The following ALDH16A1 variants were observed in gnomAD, a reference collection of about 807,000 sequenced individuals.
ALDH16A1 encodes aldehyde dehydrogenase family 16 member A1.
Under a neutral mutation model 96.1 loss-of-function variants are expected in ALDH16A1, and 88 were observed. The observed-to-expected ratio is 0.92, with a 90% CI of 0.77 to 1.09. The LOEUF (loss-of-function observed/expected upper bound fraction) is 1.09. Ranked by LOEUF, ALDH16A1 falls within the 50% of genes least tolerant of loss-of-function variation. The pLI, the probability that ALDH16A1 is intolerant of heterozygous loss-of-function variation, is 0.00. For missense variants in ALDH16A1, 1,250 were observed against 1,112.6 expected (o/e 1.12, Z -1.76); for synonymous variants, 522 against 496.4 (o/e 1.05, Z -0.69).
chr19:49,462,773 G>T lies in ALDH16A1; in HGVS notation c.1098+18G>T. On this transcript the variant is annotated intron_variant, in intron 8 of 16. Transcript: ENST00000293350. Reference sequence around the variant, plus strand: ...GTGCACAGGTGAGGCAGGGGGTAGAGACTTGAGGGTGTCAGGGGAGGAGGG... The same window carrying T: ...GTGCACAGGTGAGGCAGGGGGTAGATACTTGAGGGTGTCAGGGGAGGAGGG... 1 of 1,541,716 alleles carries T rather than the reference G, an allele frequency of 6.5e-7. No individual in the cohort carries two copies. Among genetic ancestry groups the T allele is most frequent in the Non-Finnish European group, 8.7e-7 (1 of 1,146,502 alleles).
chr19:49,464,204 C>T lies in ALDH16A1; in HGVS notation c.1272C>T (p.Arg424=), dbSNP rs1000334154. 6.8e-6 allele frequency: 11 copies of T among 1,605,910 alleles called. No homozygotes were observed. The highest frequency in any genetic ancestry group is 5.0e-5 in the Admixed American group (3 of 59,858). Reference sequence around the variant, plus strand: ...TGTTGGTGGCCAACGGGACGCCCCGCGGGGGCAGCGCCAGTGTGTGGAGCG... The same window carrying T: ...TGTTGGTGGCCAACGGGACGCCCCGTGGGGGCAGCGCCAGTGTGTGGAGCG... The part of the protein sequence containing the change: ...EALLVANGTP[R]GGSASVWSER... The change falls in exon 10 of 17, where the codon CGC becomes CGT. Residue 424 remains arginine, a synonymous_variant. Transcript: ENST00000293350.
At position 49,458,571 on chromosome 19, in the gene ALDH16A1, G is replaced by T; in HGVS notation, c.176G>T (p.Cys59Phe). Residue 59 changes from cysteine (C) to phenylalanine (F), a missense_variant, in exon 2 of 17, where the codon TGC becomes TTC. Physicochemically the swap from Cys to Phe is radical, Grantham distance 205 (BLOSUM62 -2). Coordinates refer to ENST00000293350, the MANE Select transcript of ALDH16A1 (RefSeq NM_153329.4). The part of the protein sequence containing the change: ...LKPEHRNSVP[C>F]QDPITGENLA... The stretch of plus-strand genomic sequence containing the variant: ...CCTGAACACAGAAATTCAGTGCCTT[G>T]CCAGGATCCCATCACAGGTACGAGA... 1.3e-6 allele frequency: 2 copies of T among 1,560,768 alleles called. No individual in the cohort carries two copies.
At chr19:49,455,578 A>T (rs2079100761) in intron 1 of ALDH16A1, among the ~76,000 whole-genome samples, 1 of 151,280 alleles carries the variant, frequency 6.6e-6, no homozygotes. Flanking sequence ...GGGTGACAGA[A>T]TAAGACCCTG....
At position 49,468,524 on chromosome 19, in the gene ALDH16A1, G is replaced by A. The variant is rs113306489; in HGVS notation, c.2082G>A (p.Val694=). 2.5e-6 allele frequency: 4 copies of A among 1,604,512 alleles called. No individual in the cohort carries two copies. The stretch of plus-strand genomic sequence containing the variant: ...CCTACGGCAACACTGTGGTCATGGT[G>A]CCCAGTGCGGCCTGTCCTCTGCTGG... ...ALAYGNTVVM[V]PSAACPLLAL... The change falls in exon 15 of 17, where the codon GTG becomes GTA. Residue 694 remains valine, a synonymous_variant. Transcript: ENST00000293350. The surrounding 1 kb of genome is among the most constrained non-coding windows in gnomAD (Gnocchi z 4.4).
chr19:49,464,616 A>C lies in ALDH16A1; in HGVS notation c.1438-16A>C. The C allele has an allele frequency of 6.2e-7, 1 of 1,613,650 alleles. No individual in the cohort carries two copies. Among genetic ancestry groups the C allele is most frequent in the Non-Finnish European group, 8.5e-7 (1 of 1,179,926 alleles). On this transcript the variant is annotated splice_polypyrimidine_tract_variant and intron_variant, in intron 11 of 16. Coordinates refer to ENST00000293350, the MANE Select transcript of ALDH16A1 (RefSeq NM_153329.4). ...CGCGTGCCCCTTGCATCCTCTTGAC[A>C]CCGTCCCTCTCACAGGGGCTGTATG...
At chr19:49,469,509 A>C in intron 16 of ALDH16A1, 1 of 151,666 alleles carries the variant, frequency 6.6e-6, no homozygotes, top group South Asian at 2.1e-4. Context: ...TCGGCCTCTC[A>C]AAGTGCTGGG....
chr19:49,464,107 C>T lies in ALDH16A1; in HGVS notation c.1195-20C>T. 1.2e-6 allele frequency: 2 copies of T among 1,602,494 alleles called. No homozygotes were observed. The highest frequency in any genetic ancestry group is 1.7e-6 in the Non-Finnish European group (2 of 1,175,380). Reference sequence around the variant, plus strand: ...GTGGGTGGGCCCTGGAGGGCTGAGCCTCCCGGTCACCCCTTGCAGGTGCCG... The same window carrying T: ...GTGGGTGGGCCCTGGAGGGCTGAGCTTCCCGGTCACCCCTTGCAGGTGCCG... On this transcript the variant is annotated intron_variant, in intron 9 of 16. Transcript: ENST00000293350.
rs370685834 is a variant in ALDH16A1 at position 49,462,674 on chromosome 19, C to T, written c.1017C>T (p.Ala339=). The change falls in exon 8 of 17, where the codon GCC becomes GCT. Residue 339 remains alanine, a synonymous_variant. Coordinates refer to ENST00000293350, the MANE Select transcript of ALDH16A1 (RefSeq NM_153329.4). ...GGAGTGGCCGAGGGCTGGATGGGGCCGTGGACATGGGGGCCCGGGGGGCTG... is the reference window on the plus strand; with the variant it reads ...GGAGTGGCCGAGGGCTGGATGGGGCTGTGGACATGGGGGCCCGGGGGGCTG... ...RLRSGRGLDG[A]VDMGARGAAA... is the part of the protein sequence containing the mutation. The T allele has an allele frequency of 6.2e-6, 10 of 1,610,172 alleles. No homozygotes were observed. The highest frequency in any genetic ancestry group is 5.4e-5 in the African/African-American group (4 of 74,720).
At chr19:49,461,155 T>A (rs2079139350) in intron 5 of ALDH16A1, among the ~76,000 whole-genome samples, 1 of 141,156 alleles carries the variant, frequency 7.1e-6, no homozygotes. Flanking sequence ...GAGTCTGGAC[T>A]CCTGGGTCTG....
Position 49,470,555 on chromosome 19 carries a change from C to A in ALDH16A1, c.*88C>A. 7.3e-7 allele frequency: 1 copy of A among 1,376,560 alleles called. No homozygotes were observed. The highest frequency in any genetic ancestry group is 9.5e-7 in the Non-Finnish European group (1 of 1,053,106). The allele number at this position is 1,376,560 out of a possible 1,614,324, so 85.3% of individuals were successfully genotyped here. ...CACCTGGGACTTTCCCCTTCTGGTT[C>A]CTGTGTCTCCCAATAAACTCTCTGA... On this transcript the variant is annotated 3_prime_UTR_variant, in exon 17 of 17. Transcript: ENST00000293350.
intron 1 of ALDH16A1, among the ~76,000 whole-genome samples, chr19:49,455,073 G>A (rs1356602387): frequency 6.7e-6 from 1 of 148,946 alleles, no homozygotes; most frequent in African/African-American, 2.6e-5. Context: ...AGCTGAGATT[G>A]CACCACTGCA....
chr19:49,466,193 G>A lies in ALDH16A1; in HGVS notation c.1848G>A (p.Glu616=). 4 of 1,545,906 alleles carry A rather than the reference G, an allele frequency of 2.6e-6. No homozygotes were observed. The highest frequency in any genetic ancestry group is 3.5e-6 in the Non-Finnish European group (4 of 1,147,664). ...LASRLERQGA[E]LKAAEAEVEL... ...CGAGGCTGGAGAGGCAGGGAGCGGA[G>A]CTCAAGGCTGCGGAGGCGGAGGTGG... Residue 616 remains glutamate (E), a synonymous_variant, in exon 14 of 17, where the codon GAG becomes GAA. Transcript: ENST00000293350.
rs770286562 is a variant in ALDH16A1 at position 49,465,920 on chromosome 19, G to T, written c.1736+15G>T. On this transcript the variant is annotated intron_variant, in intron 13 of 16. Transcript: ENST00000293350. ...GCTTTCCCTGGGTAAGGGGTCACAC[G>T]GGAAAGCCCAAGGGTCATGGTGTGG... 6.2e-7 allele frequency: 1 copy of T among 1,611,544 alleles called. No homozygotes were observed. The highest frequency in any genetic ancestry group is 8.5e-7 in the Non-Finnish European group (1 of 1,178,796).
Position 49,461,909 on chromosome 19 carries a change from T to C in ALDH16A1, c.785T>C (p.Leu262Pro). The change falls in exon 7 of 17, where the codon CTG becomes CCG. Residue 262 changes from leucine to proline, a missense_variant. Coordinates refer to ENST00000293350, the MANE Select transcript of ALDH16A1 (RefSeq NM_153329.4). The part of the protein sequence containing the change: ...PEEGRALRRS[L>P]AGECAELGLA... ...GAAGGGCGTGCCCTTCGACGGAGCC[T>C]GGCGGGAGAGTGTGCGGAGCTGGGC... 1.9e-6 allele frequency: 3 copies of C among 1,582,372 alleles called. No individual in the cohort carries two copies. The South Asian group carries it at 3.4e-5, about 18-fold the overall frequency.
chr19:49,462,041 G>C lies in ALDH16A1; in HGVS notation c.912+5G>C. 6.5e-7 allele frequency: 1 copy of C among 1,539,226 alleles called. No homozygotes were observed. Among genetic ancestry groups the C allele is most frequent in the South Asian group, 1.2e-5 (1 of 84,054 alleles). ...GCCTGGTCCGACCGCGGCCCGGTGA[G>C]ACCCGTGCGCTCCCGTCTCCTCATA... On this transcript the variant is annotated splice_donor_5th_base_variant and intron_variant, in intron 7 of 16. Coordinates refer to ENST00000293350, the MANE Select transcript of ALDH16A1 (RefSeq NM_153329.4).
In ALDH16A1 at chr19:49,471,020, C is replaced by T. The variant is rs886952031; in HGVS notation, c.*553C>T. 2.6e-5 allele frequency: 4 copies of T among 152,142 alleles called. No individual in the cohort carries two copies. The highest frequency in any genetic ancestry group is 9.7e-5 in the African/African-American group (4 of 41,408). 9.4% of individuals were successfully genotyped at this position (152,142 alleles called of 1,614,324 possible). On this transcript the variant is annotated 3_prime_UTR_variant, in exon 17 of 17. Coordinates refer to ENST00000293350, the MANE Select transcript of ALDH16A1 (RefSeq NM_153329.4). Reference sequence around the variant, plus strand: ...CCAGAATCCATATGCAGTAAAGGAACTCTCTGGAATAAAATTAAAGTCCTC... The same window carrying T: ...CCAGAATCCATATGCAGTAAAGGAATTCTCTGGAATAAAATTAAAGTCCTC...
intron 1 of ALDH16A1, among the ~76,000 whole-genome samples, chr19:49,458,281 T>C (rs1425965213): frequency 6.6e-6 from 1 of 152,064 alleles, no homozygotes. Context: ...ACACTGTAAA[T>C]GCACAGAATG....
chr19:49,459,016 G>C lies in ALDH16A1; in HGVS notation c.250G>C (p.Glu84Gln). The C allele has an allele frequency of 6.2e-7, 1 of 1,613,462 alleles. No individual in the cohort carries two copies. Among genetic ancestry groups the C allele is most frequent in the Non-Finnish European group, 8.5e-7 (1 of 1,180,032 alleles). ...AQAEDVAAAV[E>Q]AARMAFKGWS... ...GGCCGAGGATGTGGCTGCAGCCGTG[G>C]AGGCAGCCAGGATGGCATTTAAGGG... The change falls in exon 3 of 17, where the codon GAG becomes CAG. Residue 84 changes from glutamate (E) to glutamine (Q), a missense_variant. Glu to Gln is a conservative substitution (Grantham distance 29). Transcript: ENST00000293350. The surrounding 1 kb of genome is among the most constrained non-coding windows in gnomAD (Gnocchi z 4.1).
At chr19:49,462,448 G>C in intron 7 of ALDH16A1, 122 bp from the exon 8 acceptor site, 1 of 1,253,780 alleles carries the variant, frequency 8.0e-7, no homozygotes, top group Non-Finnish European at 1.1e-6. Flanking sequence ...CTGTTCTTTA[G>C]GACTCTGTTG....
Sources: gnomAD v4.1 joint callset for allele counts (sites outside exome capture counted in the v4.1 genomes callset) on GRCh38, gnomAD v4.1.1 for gene constraint, Gnocchi (gnomAD v3.1) non-coding constraint, MANE v1.5 for transcripts, NCBI Gene and HGNC (gene_info 2026-07-23, HGNC 2026-07-21) for gene names.